The following CYTH3 variants were observed in gnomAD, a reference collection of about 807,000 sequenced individuals.
CYTH3 encodes cytohesin-3.
CYTH3 carries 23 observed loss-of-function variants against 55.1 expected under a neutral mutation model. The ratio of observed to expected loss-of-function variants is 0.42; its 90% confidence interval spans 0.30 to 0.59. The LOEUF is 0.59. Ranked by LOEUF, CYTH3 falls within the 20% of genes least tolerant of loss-of-function variation. The pLI is 0.20. For missense variants in CYTH3, 413 were observed against 524.8 expected (o/e 0.79, Z 2.08); for synonymous variants, 249 against 194.9 (o/e 1.28, Z -2.31).
At chr7:6,184,541 T>G (rs1562884293) in intron 4 of CYTH3, among the ~76,000 whole-genome samples, 1 of 152,216 alleles carries the variant, frequency 6.6e-6, no homozygotes, top group Non-Finnish European at 1.5e-5. Flanking sequence ...TTTACGCTCA[T>G]GAAGCTGAAA....
chr7:6,233,301 T>TGG (rs1431235327), intron 1 of CYTH3, among the ~76,000 whole-genome samples: 5 of 152,308 alleles, frequency 3.3e-5, no homozygotes, highest in African/African-American at 9.6e-5. Flanking sequence ...CTTCAAGTCT[T>TGG]TACTATCAAG....
chr7:6,172,825 C>A (rs1783238372), intron 6 of CYTH3: 3 of 1,283,190 alleles, frequency 2.3e-6, no homozygotes, highest in African/African-American at 1.5e-5. Context: ...TGCGAACTCT[C>A]AGCGCACTGT....
At chr7:6,256,055 G>A (rs188716440) in intron 1 of CYTH3, among the ~76,000 whole-genome samples, 23 of 152,190 alleles carry the variant, frequency 1.5e-4, no homozygotes, top group Admixed American at 2.6e-4. Flanking sequence ...GAGCCATTGC[G>A]CCCGGCCAAC....
intron 1 of CYTH3, among the ~76,000 whole-genome samples, chr7:6,195,941 G>A (rs1783913741): frequency 2.6e-5 from 4 of 152,212 alleles, no homozygotes; most frequent in Admixed American, 1.3e-4. Flanking sequence ...GAGATCCAAA[G>A]TCATGCAACA....
At chr7:6,180,504 C>T (rs745453108) in intron 4 of CYTH3, among the ~76,000 whole-genome samples, 53 of 152,290 alleles carry the variant, frequency 3.5e-4, no homozygotes, top group African/African-American at 1.3e-3. Flanking sequence ...GGGTGGCAGC[C>T]GCCAGGAGCG....
intron 1 of CYTH3, among the ~76,000 whole-genome samples, chr7:6,214,473 G>C (rs1478603863): frequency 1.3e-5 from 2 of 152,034 alleles, no homozygotes; most frequent in African/African-American, 2.4e-5. Flanking sequence ...ATATTACTAA[G>C]TATTCCTAAA....
At chr7:6,223,572 T>C (rs1779146888) in intron 1 of CYTH3, among the ~76,000 whole-genome samples, 1 of 152,136 alleles carries the variant, frequency 6.6e-6, no homozygotes, top group Non-Finnish European at 1.5e-5. Flanking sequence ...CTGTGTCAAC[T>C]CAGGGTTAAA....
intron 1 of CYTH3, among the ~76,000 whole-genome samples, chr7:6,268,998 A>G (rs1382045235): frequency 1.3e-5 from 2 of 152,226 alleles, no homozygotes; most frequent in African/African-American, 4.8e-5. Flanking sequence ...CAGGAGCTGG[A>G]GCCAAAAGGA....
intron 1 of CYTH3, among the ~76,000 whole-genome samples, chr7:6,221,991 T>C (rs772586205): frequency 1.3e-5 from 2 of 152,118 alleles, no homozygotes; most frequent in Non-Finnish European, 1.5e-5. Flanking sequence ...AGTCTTTATA[T>C]TGCATAAGGT....
chr7:6,205,496 C>T (rs2128547834), intron 1 of CYTH3, among the ~76,000 whole-genome samples: 1 of 152,026 alleles, frequency 6.6e-6, no homozygotes, highest in South Asian at 2.1e-4. Context: ...ACCCCTTGAA[C>T]CCAGGAGGTA....
chr7:6,172,940 G>A lies in CYTH3; in HGVS notation c.449+713C>T, dbSNP rs1469191813. 1.1e-5 allele frequency: 13 copies of A among 1,150,732 alleles called. No homozygotes were observed. The South Asian group carries it at 1.3e-4, about 11-fold the overall frequency. 71.3% of individuals were successfully genotyped at this position (1,150,732 alleles called of 1,614,324 possible). A position where few individuals can be genotyped will look rare whatever the true frequency, so the allele number is the denominator to read the frequency against. On this transcript the variant is annotated intron_variant, in intron 6 of 12. Transcript: ENST00000350796. The stretch of plus-strand genomic sequence containing the variant: ...GTAAGGCCATGAGCAAACAGTCCAC[G>A]TAAACGAGAACAAGGTATGAAGCCG...
intron 1 of CYTH3, among the ~76,000 whole-genome samples, chr7:6,226,953 A>G (rs945023896): frequency 2.0e-5 from 3 of 151,908 alleles, no homozygotes; most frequent in African/African-American, 7.3e-5. Context: ...GGTGGCGGGC[A>G]CCTGTAGTCC....
Position 6,169,759 on chromosome 7 carries a change from G to A in CYTH3, c.823+776C>T, listed in dbSNP as rs941541293. On this transcript the variant is annotated intron_variant, in intron 9 of 12. Transcript: ENST00000350796. This position sits in a 1 kb window ranked among gnomAD's most constrained non-coding sequence, Gnocchi z 4.1. ...TCCCGAAATCTCTCCATGCGCTGCT[G>A]GGTTAGTATGGGGTGGAGGGTGACG... 2.6e-5 allele frequency among the ~76,000 whole-genome samples: 4 copies of A among 152,164 alleles called. No individual in the cohort carries two copies. Among genetic ancestry groups the A allele is most frequent in the African/African-American group, 9.7e-5 (4 of 41,430 alleles).
intron 1 of CYTH3, among the ~76,000 whole-genome samples, chr7:6,244,523 G>A (rs2128556071): frequency 6.6e-6 from 1 of 152,268 alleles, no homozygotes; most frequent in East Asian, 1.9e-4. Context: ...GGAGAGCAGT[G>A]GCACAATCAT....
intron 1 of CYTH3, among the ~76,000 whole-genome samples, chr7:6,206,647 T>A (rs978991673): frequency 2.6e-5 from 4 of 152,178 alleles, no homozygotes; most frequent in Admixed American, 6.5e-5. Flanking sequence ...GAAAAACTGA[T>A]CCCTTTTAAT....
intron 4 of CYTH3, among the ~76,000 whole-genome samples, chr7:6,185,561 A>C (rs537897143): frequency 3.3e-5 from 5 of 151,684 alleles, no homozygotes; most frequent in East Asian, 1.9e-4. Context: ...TTAGCCGGGC[A>C]TGGTGGCAGG....
At chr7:6,241,018 A>G (rs2128555391) in intron 1 of CYTH3, among the ~76,000 whole-genome samples, 1 of 152,024 alleles carries the variant, frequency 6.6e-6, no homozygotes, top group Non-Finnish European at 1.5e-5. Context: ...GTGACTCAGG[A>G]GGCTGAGGCT....
intron 1 of CYTH3, among the ~76,000 whole-genome samples, chr7:6,222,447 A>G (rs1167324672): frequency 1.3e-5 from 2 of 152,156 alleles, no homozygotes; most frequent in East Asian, 3.8e-4. Flanking sequence ...GTTACTCTCA[A>G]CTGCTGAGTC....
At chr7:6,270,934 T>C (rs1044944571) in intron 1 of CYTH3, among the ~76,000 whole-genome samples, 1 of 152,180 alleles carries the variant, frequency 6.6e-6, no homozygotes, top group South Asian at 2.1e-4. Flanking sequence ...CCAAAGCACC[T>C]TACAAACAAA....
Sources: gnomAD v4.1 joint callset for allele counts (sites outside exome capture counted in the v4.1 genomes callset) on GRCh38, gnomAD v4.1.1 for gene constraint, Gnocchi (gnomAD v3.1) non-coding constraint, MANE v1.5 for transcripts, NCBI Gene and HGNC (gene_info 2026-07-23, HGNC 2026-07-21) for gene names.